Variants in JAK2 observed in about 807,000 individuals in gnomAD.
JAK2 encodes Janus kinase 2, also known as tyrosine-protein kinase JAK2.
A neutral mutation model predicts 139.3 loss-of-function variants in JAK2; 86 were observed. The ratio of observed to expected loss-of-function variants is 0.62; its 90% CI spans 0.52 to 0.74. The LOEUF (loss-of-function observed/expected upper bound fraction) is 0.74, where lower values mean the gene tolerates loss of function less well. Among genes scored for constraint, JAK2 ranks in the 30% least tolerant of loss-of-function variants. The pLI is 0.00. For missense variants in JAK2, 1,421 were observed against 1,360.3 expected (o/e 1.04, Z -0.70); for synonymous variants, 490 against 437.7 (o/e 1.12, Z -1.49).
Position 5,037,421 on chromosome 9 carries a change from G to A in JAK2, c.351-6982G>A, listed in dbSNP as rs548511545. 7.4e-3 allele frequency among the ~76,000 whole-genome samples: 1,132 copies of A among 152,200 alleles called. 14 individuals are homozygous for A. The highest frequency in any genetic ancestry group is 0.026 in the African/African-American group (1,074 of 41,498). On this transcript the variant is annotated intron_variant, in intron 4 of 24. Coordinates refer to ENST00000381652, the MANE Select transcript of JAK2 (RefSeq NM_004972.4). The stretch of plus-strand genomic sequence containing the variant: ...ACACATGCACACGTATGTTTATTGC[G>A]GCACTATTCACAATAACAAAGACTT...
chr9:5,049,778 A>T (rs998173579), intron 5 of JAK2, among the ~76,000 whole-genome samples: 3 of 152,226 alleles, frequency 2.0e-5, no homozygotes, highest in Non-Finnish European at 4.4e-5. Flanking sequence ...ATACAAACCT[A>T]TATGTTATAG....
rs1402038231 is a variant in JAK2, at chr9:5,129,278, GT to G, written c.*2488del. ...CCCCCTAAATTGAAATAGTGATGTA[GT>G]AAATATTCAGAAGCGATTTTCTTTT... On this transcript the variant is annotated 3_prime_UTR_variant, in exon 25 of 25. Coordinates refer to ENST00000381652, the MANE Select transcript of JAK2 (RefSeq NM_004972.4). Among the ~76,000 whole-genome samples, 1 of 152,016 alleles carries G rather than the reference GT, an allele frequency of 6.6e-6. No individual in the cohort carries two copies. Among genetic ancestry groups the G allele is most frequent in the African/African-American group, 2.4e-5 (1 of 41,424 alleles).
rs752536965 is a variant in JAK2 at position 5,123,077 on chromosome 9, T to C, written c.3133T>C (p.Tyr1045His). 2 of 1,611,512 alleles carry C rather than the reference T, an allele frequency of 1.2e-6. No individual in the cohort carries two copies. Among genetic ancestry groups the C allele is most frequent in the Admixed American group, 1.7e-5 (1 of 59,770 alleles). Residue 1045 changes from tyrosine (Y) to histidine (H), a missense_variant, in exon 23 of 25, where the codon TAT becomes CAT. Tyr to His is a moderately conservative substitution (Grantham distance 83). Coordinates refer to ENST00000381652, the MANE Select transcript of JAK2 (RefSeq NM_004972.4). ...TGTTTGGAGCTTTGGAGTGGTTCTG[T>C]ATGAACTTTTCACATACATTGAGAA... ...SDVWSFGVVLYELFTYIEKSK... is the reference protein window; with the variant it reads ...SDVWSFGVVLHELFTYIEKSK...
chr9:5,016,831 G>A (rs1396859888), intron 2 of JAK2, among the ~76,000 whole-genome samples: 1 of 152,148 alleles, frequency 6.6e-6, no homozygotes, highest in African/African-American at 2.4e-5. Flanking sequence ...ATATGGAAGT[G>A]AGCTTGAGAG....
intron 2 of JAK2, among the ~76,000 whole-genome samples, chr9:5,008,806 T>C (rs1821490329): frequency 6.6e-6 from 1 of 152,228 alleles, no homozygotes; most frequent in African/African-American, 2.4e-5. Context: ...ATTATTTTTC[T>C]TCCCTGTGTT....
At chr9:5,061,790 G>T (rs905815757) in intron 8 of JAK2, among the ~76,000 whole-genome samples, 2 of 152,252 alleles carry the variant, frequency 1.3e-5, no homozygotes, top group South Asian at 4.1e-4. Context: ...AGCTTTCAGC[G>T]TGTGTTGGCT....
At chr9:5,006,399 A>G (rs180721200) in intron 2 of JAK2, among the ~76,000 whole-genome samples, 33 of 152,262 alleles carry the variant, frequency 2.2e-4, no homozygotes, top group African/African-American at 7.0e-4. Flanking sequence ...GGCTGAGACA[A>G]TGGGGTTTTC....
rs534592396 is a variant in JAK2, at chr9:5,109,472, G to C, written c.3060-13532G>C. 30 of 152,152 alleles carry C rather than the reference G, an allele frequency of 2.0e-4. No individual in the cohort carries two copies. In the East Asian group the frequency reaches 5.4e-3, roughly 27 times the overall value. 9.4% of individuals were successfully genotyped at this position (152,152 alleles called of 1,614,324 possible). A position where few individuals can be genotyped will look rare whatever the true frequency, so the allele number is the denominator to read the frequency against. On this transcript the variant is annotated intron_variant, in intron 22 of 24. Transcript: ENST00000381652. The stretch of plus-strand genomic sequence containing the variant: ...TTGGCCTTAGGAACCAAAAACATTG[G>C]TGCAACTCCAAAGAAAAGTAACAAA...
chr9:4,985,815 A>ATAAT (rs1819918907), intron 1 of JAK2, 125 bp from the exon 2 acceptor site: 1 of 152,536 alleles, frequency 6.6e-6, no homozygotes, highest in Admixed American at 6.5e-5. Flanking sequence ...TTTGTGTCTT[A>ATAAT]TAATTCCCTC....
chr9:5,063,896 G>A (rs1247966665), intron 8 of JAK2, among the ~76,000 whole-genome samples: 1 of 152,210 alleles, frequency 6.6e-6, no homozygotes, highest in African/African-American at 2.4e-5. Context: ...GGTGACTCAC[G>A]CGTGTAATCC....
intron 5 of JAK2, among the ~76,000 whole-genome samples, chr9:5,045,586 A>T (rs575725376): frequency 2.6e-5 from 4 of 152,230 alleles, no homozygotes; most frequent in Admixed American, 2.0e-4. Flanking sequence ...CCCACTCCCA[A>T]TGGCCTTTTG....
intron 10 of JAK2, among the ~76,000 whole-genome samples, chr9:5,067,874 C>T (rs1300249692): frequency 6.6e-6 from 1 of 152,014 alleles, no homozygotes; most frequent in East Asian, 1.9e-4. Flanking sequence ...GAAAGGGCAG[C>T]CAGGTGTGGT....
At chr9:5,065,529 G>C (rs1044337446) in intron 9 of JAK2, among the ~76,000 whole-genome samples, 16 of 152,184 alleles carry the variant, frequency 1.1e-4, no homozygotes, top group African/African-American at 3.6e-4. Flanking sequence ...TAACACAGCA[G>C]CCACTAGCTA....
chr9:5,031,823 A>C (rs931589348), intron 4 of JAK2, among the ~76,000 whole-genome samples: 1 of 152,240 alleles, frequency 6.6e-6, no homozygotes, highest in Non-Finnish European at 1.5e-5. Context: ...TACAGCTCCC[A>C]GCATGGGCGA....
chr9:5,101,179 A>G (rs1056281191), intron 22 of JAK2, among the ~76,000 whole-genome samples: 2 of 152,208 alleles, frequency 1.3e-5, no homozygotes, highest in South Asian at 2.1e-4. Flanking sequence ...CTTTTGCCCA[A>G]ATACTGTGCT....
chr9:5,050,927 G>T, intron 6 of JAK2, 96 bp downstream of exon 6: 2 of 999,858 alleles, frequency 2.0e-6, no homozygotes, highest in South Asian at 2.9e-5. Flanking sequence ...TTTTGATTTT[G>T]TAATACTAGT....
At position 5,059,173 on chromosome 9, in the gene JAK2, A is replaced by G. The variant is rs568068919; in HGVS notation, c.1056+3385A>G. On this transcript the variant is annotated intron_variant, in intron 8 of 24. Transcript: ENST00000381652. ...CATCTTTGTAGCCACACCCACCTCAAAAAACAGAATAGTTCTCTTACTCCT... is the reference window on the plus strand; with the variant it reads ...CATCTTTGTAGCCACACCCACCTCAGAAAACAGAATAGTTCTCTTACTCCT... 7.9e-5 allele frequency among the ~76,000 whole-genome samples: 12 copies of G among 152,226 alleles called. No individual in the cohort carries two copies. The South Asian group carries it at 2.3e-3, about 29-fold the overall frequency.
At chr9:4,998,463 G>C (rs538352481) in intron 2 of JAK2, among the ~76,000 whole-genome samples, 1 of 151,994 alleles carries the variant, frequency 6.6e-6, no homozygotes, top group South Asian at 2.1e-4. Context: ...CACCATGTTG[G>C]TCAGGCTGGT....
chr9:5,071,756 C>T (rs1818962575), intron 12 of JAK2, among the ~76,000 whole-genome samples: 1 of 152,180 alleles, frequency 6.6e-6, no homozygotes, highest in African/African-American at 2.4e-5. Flanking sequence ...CAAGCATCTT[C>T]ATGTGAGTAA....
Sources: allele counts gnomAD v4.1 joint callset (sites outside exome capture counted in the v4.1 genomes callset), GRCh38; gene constraint gnomAD v4.1.1; transcripts MANE v1.5; gene names NCBI Gene and HGNC (gene_info 2026-07-23, HGNC 2026-07-21).